The following ARHGAP10 variants were observed in gnomAD, a reference collection of about 807,000 sequenced individuals.
ARHGAP10 encodes the protein Rho GTPase activating protein 10, also known as rho GTPase-activating protein 10.
Under a neutral mutation model 108.6 loss-of-function variants are expected in ARHGAP10, and 87 were observed. That is an observed-to-expected ratio of 0.80 (90% CI 0.67 to 0.96). The LOEUF (loss-of-function observed/expected upper bound fraction) is 0.96, where lower values mean the gene tolerates loss of function less well. ARHGAP10 is among the 40% of genes least tolerant of loss of function. ARHGAP10 has a pLI of 0.00. For missense variants in ARHGAP10, 939 were observed against 954.5 expected (o/e 0.98, Z 0.21); for synonymous variants, 347 against 341.1 (o/e 1.02, Z -0.19).
At chr4:147,819,147 C>T (rs1038058141) in intron 1 of ARHGAP10, among the ~76,000 whole-genome samples, 4 of 152,154 alleles carry the variant, frequency 2.6e-5, no homozygotes, top group Non-Finnish European at 5.9e-5. Context: ...AAAATTGGTG[C>T]ATTTCAGTTT....
At chr4:147,873,719 C>CACACACACACACACACAT (rs1420323318) in intron 7 of ARHGAP10, among the ~76,000 whole-genome samples, 75 of 150,964 alleles carry the variant, frequency 5.0e-4, no homozygotes, top group Non-Finnish European at 8.1e-4. Context: ...CACACACACA[C>CACACACACACACACACAT]ACACTCTTGG....
intron 18 of ARHGAP10, among the ~76,000 whole-genome samples, chr4:147,971,380 A>G (rs1223325232): frequency 6.6e-6 from 1 of 152,144 alleles, no homozygotes; most frequent in African/African-American, 2.4e-5. Context: ...CAGTAGGGGA[A>G]AGAAGAAATG....
chr4:147,934,824 C>A (rs1012872838), intron 13 of ARHGAP10, among the ~76,000 whole-genome samples: 1 of 152,040 alleles, frequency 6.6e-6, no homozygotes, highest in Admixed American at 6.6e-5. Flanking sequence ...CAGAATGAGA[C>A]CCTGCCTTAA....
intron 20 of ARHGAP10, among the ~76,000 whole-genome samples, chr4:148,061,075 G>A (rs959423748): frequency 1.1e-4 from 16 of 151,080 alleles, no homozygotes; most frequent in Admixed American, 4.6e-4. Flanking sequence ...ACCCACCCGC[G>A]GGTGTTTTCA....
intron 1 of ARHGAP10, among the ~76,000 whole-genome samples, chr4:147,779,308 C>T (rs775207747): frequency 1.1e-4 from 16 of 152,092 alleles, no homozygotes; most frequent in African/African-American, 3.4e-4. Context: ...GTGTGCACTG[C>T]GTTGTGACTT....
chr4:147,911,939 T>G lies in ARHGAP10; in HGVS notation c.1163-1135T>G, dbSNP rs1295555673. On this transcript the variant is annotated intron_variant, in intron 12 of 22. Transcript: ENST00000336498. Reference sequence around the variant, plus strand: ...TTTCTTAAAATTTTTCCTCCTAGGTTTTTTTTTTTTAAAGGATTGTGTTCT... The same window carrying G: ...TTTCTTAAAATTTTTCCTCCTAGGTGTTTTTTTTTTAAAGGATTGTGTTCT... Among the ~76,000 whole-genome samples, 6 of 3,620 alleles carry G rather than the reference T, an allele frequency of 1.7e-3. No individual in the cohort carries two copies. In the Admixed American group the frequency reaches 0.034, roughly 21 times the overall value. 2.4% of individuals were successfully genotyped at this position (3,620 alleles called of 152,430 possible). A position where few individuals can be genotyped will look rare whatever the true frequency, so the allele number is the denominator to read the frequency against.
At chr4:147,987,404 C>T (rs117754734) in intron 18 of ARHGAP10, among the ~76,000 whole-genome samples, 12 of 152,274 alleles carry the variant, frequency 7.9e-5, no homozygotes, top group East Asian at 3.9e-4. Context: ...AGACTCTGAA[C>T]GCATAGCCAC....
intron 18 of ARHGAP10, among the ~76,000 whole-genome samples, chr4:147,984,735 G>T (rs1043968988): frequency 2.0e-5 from 3 of 152,212 alleles, no homozygotes; most frequent in African/African-American, 7.2e-5. Flanking sequence ...GCCATTCAAC[G>T]TCCAGGCCAA....
At chr4:147,931,670 C>T (rs760149105) in intron 13 of ARHGAP10, among the ~76,000 whole-genome samples, 10 of 152,232 alleles carry the variant, frequency 6.6e-5, no homozygotes, top group South Asian at 6.2e-4. Flanking sequence ...TACAGGTTCA[C>T]GATTCTTCAT....
At position 148,000,326 on chromosome 4, in the gene ARHGAP10, T is replaced by C. The variant is rs964642709; in HGVS notation, c.1717-22937T>C. Among the ~76,000 whole-genome samples, 4 of 152,224 alleles carry C rather than the reference T, an allele frequency of 2.6e-5. No individual in the cohort carries two copies. In the South Asian group the frequency reaches 6.2e-4, roughly 24 times the overall value. ...CACATTTTCTTAATCCAGTCTATCA[T>C]TGATGGACATTGGGGTTGGTTCCAA... On this transcript the variant is annotated intron_variant, in intron 18 of 22. Coordinates refer to ENST00000336498, the MANE Select transcript of ARHGAP10 (RefSeq NM_024605.4).
chr4:148,040,445 G>A (rs770541040), intron 19 of ARHGAP10, among the ~76,000 whole-genome samples: 18 of 152,106 alleles, frequency 1.2e-4, no homozygotes, highest in Non-Finnish European at 2.5e-4. Flanking sequence ...GGGTTCAAGC[G>A]ATTCTCCTGC....
At chr4:148,019,523 G>A (rs1484089684) in intron 18 of ARHGAP10, among the ~76,000 whole-genome samples, 4 of 152,006 alleles carry the variant, frequency 2.6e-5, no homozygotes, top group Non-Finnish European at 4.4e-5. Context: ...TGGCAGAGGC[G>A]GACGGATCAC....
intron 18 of ARHGAP10, among the ~76,000 whole-genome samples, chr4:148,012,170 G>A (rs369176037): frequency 1.4e-3 from 207 of 152,318 alleles, no homozygotes; most frequent in African/African-American, 4.5e-3. Context: ...GTGCCTGACA[G>A]TGTGTCATTA....
intron 1 of ARHGAP10, among the ~76,000 whole-genome samples, chr4:147,821,806 C>A (rs7655236): frequency 6.6e-6 from 1 of 152,188 alleles, no homozygotes; most frequent in African/African-American, 2.4e-5. Context: ...AGAAGTCAGT[C>A]AACACCTTCT....
chr4:148,000,355 T>C (rs1214156198), intron 18 of ARHGAP10, among the ~76,000 whole-genome samples: 2 of 152,222 alleles, frequency 1.3e-5, no homozygotes. Context: ...GTTCCAAGTC[T>C]TTGCTATTGT....
intron 16 of ARHGAP10, among the ~76,000 whole-genome samples, chr4:147,959,941 G>C (rs1474731173): frequency 6.6e-6 from 1 of 152,098 alleles, no homozygotes; most frequent in Non-Finnish European, 1.5e-5. Flanking sequence ...CAAGTTAGTA[G>C]GTTTTTAGTG....
intron 1 of ARHGAP10, among the ~76,000 whole-genome samples, chr4:147,740,478 G>A (rs1334055226): frequency 6.6e-6 from 1 of 152,128 alleles, no homozygotes; most frequent in Non-Finnish European, 1.5e-5. Flanking sequence ...TAGAGTGTGT[G>A]TACATTTGAT....
chr4:148,019,763 TA>T lies in ARHGAP10; in HGVS notation c.1717-3487del, dbSNP rs879896839. ...CTGGGTGACAGAGTGAGACTCCACC[TA>T]AAAAAAAAAAAACAAAACAAAAAAC... On this transcript the variant is annotated intron_variant, in intron 18 of 22. Coordinates refer to ENST00000336498, the MANE Select transcript of ARHGAP10 (RefSeq NM_024605.4). Among the ~76,000 whole-genome samples the T allele has an allele frequency of 3.5e-3, 467 of 132,574 alleles. 6 individuals are homozygous for T. Among genetic ancestry groups the T allele is most frequent in the Admixed American group, 0.02 (263 of 13,156 alleles). The allele number at this position is 132,574 out of a possible 152,430, so 87.0% of individuals were successfully genotyped here. A position where few individuals can be genotyped will look rare whatever the true frequency, so the allele number is the denominator to read the frequency against.
intron 13 of ARHGAP10, among the ~76,000 whole-genome samples, chr4:147,917,889 A>C (rs559886409): frequency 1.3e-5 from 2 of 152,318 alleles, no homozygotes; most frequent in South Asian, 4.1e-4. Flanking sequence ...ATGATGAATA[A>C]GATGATGAAG....
Sources: allele counts gnomAD v4.1 joint callset (sites outside exome capture counted in the v4.1 genomes callset), GRCh38; gene constraint gnomAD v4.1.1; transcripts MANE v1.5; gene names NCBI Gene and HGNC (gene_info 2026-07-23, HGNC 2026-07-21).